MECOM: variants seen among roughly 807,000 people sequenced by gnomAD.
MECOM encodes the protein histone-lysine N-methyltransferase MECOM.
A neutral mutation model predicts 116.3 loss-of-function variants in MECOM; 13 were observed. The ratio of observed to expected loss-of-function variants is 0.11; its 90% CI spans 0.07 to 0.18. The LOEUF (loss-of-function observed/expected upper bound fraction) is 0.18, where lower values mean the gene tolerates loss of function less well. Among genes scored for constraint, MECOM ranks in the 10% least tolerant of loss-of-function variants. The pLI is 1.00. For synonymous variants in MECOM, 528 were observed against 535.2 expected (o/e 0.99, Z 0.19); for missense variants, 1,299 against 1,509.0 (o/e 0.86, Z 2.31).
chr3:169,357,676 A>G (rs1727497778), intron 2 of MECOM, among the ~76,000 whole-genome samples: 1 of 151,844 alleles, frequency 6.6e-6, no homozygotes, highest in Non-Finnish European at 1.5e-5. Flanking sequence ...GTCAAATCCT[A>G]TGAATATTTG....
At chr3:169,591,884 C>A (rs1766455442) in intron 1 of MECOM, among the ~76,000 whole-genome samples, 1 of 149,336 alleles carries the variant, frequency 6.7e-6, no homozygotes, top group African/African-American at 2.5e-5. Context: ...TGGCCCATAA[C>A]AACAGTACAG....
chr3:169,318,928 G>A (rs1720302056), intron 2 of MECOM, among the ~76,000 whole-genome samples: 1 of 151,844 alleles, frequency 6.6e-6, no homozygotes, highest in Admixed American at 6.6e-5. Context: ...GTGAAACCTC[G>A]TCGCTATTAA....
In MECOM at chr3:169,115,662, C is replaced by T. The variant is rs540302369; in HGVS notation, c.2210G>A (p.Ser737Asn). The T allele has an allele frequency of 1.2e-6, 2 of 1,614,172 alleles. No individual in the cohort carries two copies. The highest frequency in any genetic ancestry group is 2.2e-5 in the South Asian group (2 of 91,082). Residue 737 changes from serine (S) to asparagine (N), a missense_variant, in exon 8 of 17, where the codon AGC (serine) becomes AAC (asparagine). By Grantham distance (46) the Ser-to-Asn change is conservative. Transcript: ENST00000651503. ...GGTGAGATCAAAGGGGGACTCAGAG[C>T]TGCCCTTCTGCAGTTTCTTTACTTC... is the stretch of plus-strand genomic sequence containing the variant. ...PGEVKKLQKG[S>N]SESPFDLTTK...
At chr3:169,605,182 A>G (rs1258457079) in intron 1 of MECOM, among the ~76,000 whole-genome samples, 1 of 152,192 alleles carries the variant, frequency 6.6e-6, no homozygotes, top group African/African-American at 2.4e-5. Flanking sequence ...TAAGGAAAGA[A>G]GATGATATAT....
intron 1 of MECOM, among the ~76,000 whole-genome samples, chr3:169,449,718 A>G (rs1745235722): frequency 6.6e-6 from 1 of 152,172 alleles, no homozygotes; most frequent in Middle Eastern, 3.2e-3. Flanking sequence ...ACATGCATGT[A>G]TGTCTGAGAC....
chr3:169,146,423 AAGG>A (rs1739944097), intron 2 of MECOM: 7 of 1,392,024 alleles, frequency 5.0e-6, no homozygotes, highest in South Asian at 3.4e-5. Context: ...GAGGGAGGGG[AAGG>A]AGGAGAAGAG....
intron 1 of MECOM, among the ~76,000 whole-genome samples, chr3:169,491,019 C>A (rs1375706732): frequency 6.6e-6 from 1 of 151,886 alleles, no homozygotes; most frequent in African/African-American, 2.4e-5. Flanking sequence ...CCACTATCCC[C>A]AGTTAACATT....
chr3:169,521,663 C>T (rs1454051048), intron 1 of MECOM, among the ~76,000 whole-genome samples: 2 of 152,164 alleles, frequency 1.3e-5, no homozygotes, highest in Non-Finnish European at 2.9e-5. Flanking sequence ...TTTACCAAAC[C>T]TACTGAATGA....
At chr3:169,343,574 A>C (rs1282386384) in intron 2 of MECOM, among the ~76,000 whole-genome samples, 1 of 152,190 alleles carries the variant, frequency 6.6e-6, no homozygotes, top group Non-Finnish European at 1.5e-5. Flanking sequence ...TCTACAAAAC[A>C]TTTTGTTAAA....
At chr3:169,541,188 C>T (rs1254547955) in intron 1 of MECOM, among the ~76,000 whole-genome samples, 1 of 152,078 alleles carries the variant, frequency 6.6e-6, no homozygotes, top group Non-Finnish European at 1.5e-5. Context: ...TAACAAACTC[C>T]CTGGGGATAT....
At chr3:169,111,920 C>G (rs912805955) in intron 9 of MECOM, among the ~76,000 whole-genome samples, 4 of 152,000 alleles carry the variant, frequency 2.6e-5, no homozygotes, top group Non-Finnish European at 5.9e-5. Flanking sequence ...ATTAGAGAAC[C>G]ATCATTTTTT....
intron 1 of MECOM, among the ~76,000 whole-genome samples, chr3:169,541,878 T>C (rs1760107290): frequency 1.3e-5 from 2 of 152,220 alleles, no homozygotes; most frequent in Non-Finnish European, 2.9e-5. Context: ...GAGATGCTAC[T>C]GGGGATTTAC....
intron 2 of MECOM, among the ~76,000 whole-genome samples, chr3:169,197,421 A>C (rs1190223186): frequency 6.6e-6 from 1 of 152,006 alleles, no homozygotes; most frequent in Non-Finnish European, 1.5e-5. Flanking sequence ...AGTATATCCC[A>C]GTCTACTTTG....
intron 2 of MECOM, among the ~76,000 whole-genome samples, chr3:169,345,231 G>A (rs1356602935): frequency 6.6e-6 from 1 of 152,080 alleles, no homozygotes; most frequent in African/African-American, 2.4e-5. Context: ...CTTCCCAGCA[G>A]CAGTACCTCA....
At chr3:169,533,884 A>T (rs374309301) in intron 1 of MECOM, among the ~76,000 whole-genome samples, 231 of 152,296 alleles carry the variant, frequency 1.5e-3, no homozygotes, top group African/African-American at 5.2e-3. Context: ...TGGCAAAAGG[A>T]AGAGTTTTTA....
intron 2 of MECOM, among the ~76,000 whole-genome samples, chr3:169,261,750 A>AGAC (rs921041955): frequency 1.3e-5 from 2 of 151,636 alleles, no homozygotes; most frequent in African/African-American, 4.9e-5. Flanking sequence ...GGAGAAAAGA[A>AGAC]GAAGAAGAAG....
intron 2 of MECOM, among the ~76,000 whole-genome samples, chr3:169,238,187 A>G (rs985688831): frequency 6.6e-6 from 1 of 151,550 alleles, no homozygotes; most frequent in African/African-American, 2.4e-5. Context: ...AAAAAAAAAA[A>G]AAAGAAAAAA....
At chr3:169,488,372 CAAAAAAAAAA>C (rs758493062) in intron 1 of MECOM, among the ~76,000 whole-genome samples, 5 of 62,400 alleles carry the variant, frequency 8.0e-5, no homozygotes, top group South Asian at 6.8e-4. Flanking sequence ...ACTAAAAATA[CAAAAAAAAAA>C]AAAAAAAAAA....
intron 2 of MECOM, among the ~76,000 whole-genome samples, chr3:169,376,386 A>G (rs1321269940): frequency 6.6e-6 from 1 of 152,210 alleles, no homozygotes; most frequent in Non-Finnish European, 1.5e-5. Context: ...AGGAAGTTGA[A>G]TGGTCTCTGT....
Sources: allele counts gnomAD v4.1 joint callset (sites outside exome capture counted in the v4.1 genomes callset), GRCh38; gene constraint gnomAD v4.1.1; transcripts MANE v1.5; gene names NCBI Gene and HGNC (gene_info 2026-07-23, HGNC 2026-07-21).